Variants in CCDC148 observed in about 807,000 individuals in gnomAD.
CCDC148 encodes the protein coiled-coil domain-containing protein 148.
Under a neutral mutation model 85.7 loss-of-function variants are expected in CCDC148, and 89 were observed. The ratio of observed to expected loss-of-function variants is 1.04; its 90% CI spans 0.87 to 1.24. The LOEUF (loss-of-function observed/expected upper bound fraction) is 1.24. CCDC148 is among the 50% of genes most tolerant of loss of function. The pLI is 0.00. For missense variants in CCDC148, 692 were observed against 671.7 expected (o/e 1.03, Z -0.33); for synonymous variants, 230 against 213.9 (o/e 1.08, Z -0.66).
At chr2:158,202,492 A>T (rs896100346) in intron 11 of CCDC148, among the ~76,000 whole-genome samples, 1 of 152,232 alleles carries the variant, frequency 6.6e-6, no homozygotes, top group African/African-American at 2.4e-5. Context: ...TTTAAGCAGC[A>T]ATACTGATGT....
intron 1 of CCDC148, among the ~76,000 whole-genome samples, chr2:158,399,168 G>A (rs1015535369): frequency 1.3e-5 from 2 of 152,108 alleles, no homozygotes; most frequent in African/African-American, 4.8e-5. Context: ...AGGACCAGAT[G>A]GATTCACAGC....
chr2:158,453,153 G>T (rs1688471287), intron 1 of CCDC148, among the ~76,000 whole-genome samples: 1 of 152,152 alleles, frequency 6.6e-6, no homozygotes, highest in Non-Finnish European at 1.5e-5. Flanking sequence ...GCAGTTTAAG[G>T]CAGTGAGGGA....
intron 11 of CCDC148, among the ~76,000 whole-genome samples, chr2:158,219,072 C>G (rs1017244509): frequency 6.6e-6 from 1 of 152,060 alleles, no homozygotes; most frequent in African/African-American, 2.4e-5. Flanking sequence ...ATGGTTATGC[C>G]TTCCAAAATT....
intron 2 of CCDC148, among the ~76,000 whole-genome samples, chr2:158,349,136 T>A (rs1465574236): frequency 6.6e-6 from 1 of 152,048 alleles, no homozygotes; most frequent in Non-Finnish European, 1.5e-5. Context: ...GTTAATAATA[T>A]CAGTAGTACA....
At chr2:158,442,541 A>G (rs968644166) in intron 1 of CCDC148, among the ~76,000 whole-genome samples, 15 of 152,196 alleles carry the variant, frequency 9.9e-5, no homozygotes, top group African/African-American at 3.6e-4. Context: ...TCACCCACAA[A>G]TTATGCCAGT....
chr2:158,269,664 GGAT>G (rs1472933740), intron 9 of CCDC148, among the ~76,000 whole-genome samples: 3 of 152,122 alleles, frequency 2.0e-5, no homozygotes, highest in Non-Finnish European at 4.4e-5. Context: ...GCTCCTCACA[GGAT>G]ACCTAATTGG....
chr2:158,252,388 T>C (rs1359014789), intron 9 of CCDC148, among the ~76,000 whole-genome samples: 1 of 151,724 alleles, frequency 6.6e-6, no homozygotes, highest in African/African-American at 2.4e-5. Flanking sequence ...ATTCCTAGAA[T>C]AGATCATCCC....
At chr2:158,317,312 C>T (rs1229058830) in intron 7 of CCDC148, among the ~76,000 whole-genome samples, 1 of 152,124 alleles carries the variant, frequency 6.6e-6, no homozygotes. Flanking sequence ...TCATCTTTAT[C>T]GTAGCCTGCC....
At chr2:158,378,392 G>T (rs538271366) in intron 1 of CCDC148, among the ~76,000 whole-genome samples, 1 of 152,130 alleles carries the variant, frequency 6.6e-6, no homozygotes, top group Non-Finnish European at 1.5e-5. Context: ...GTTTAAGGAA[G>T]GTTGCTGTAT....
chr2:158,202,987 G>A (rs55927639), intron 11 of CCDC148, among the ~76,000 whole-genome samples: 3,978 of 152,254 alleles, frequency 0.026, 69 homozygotes, highest in Middle Eastern at 0.041. Context: ...CCATTCAGCA[G>A]AGAGCAGGAG....
intron 1 of CCDC148, among the ~76,000 whole-genome samples, chr2:158,373,046 A>G (rs1375455827): frequency 6.6e-6 from 1 of 152,108 alleles, no homozygotes; most frequent in African/African-American, 2.4e-5. Context: ...AACTGATGTT[A>G]TATAAAAGAG....
At position 158,204,739 on chromosome 2, in the gene CCDC148, C is replaced by T. The variant is rs2105285933; in HGVS notation, c.1370+15856G>A. The stretch of plus-strand genomic sequence containing the variant: ...CAAAATACTTGACTCTGTCCAAATT[C>T]ATCTCAGCAGGCATCATGAAAACAT... On this transcript the variant is annotated intron_variant, in intron 11 of 13. Transcript: ENST00000283233. Among the ~76,000 whole-genome samples the T allele has an allele frequency of 1.3e-5, 2 of 152,238 alleles. 1 individual carries two copies. The highest frequency in any genetic ancestry group is 4.1e-4 in the South Asian group (2 of 4,820).
chr2:158,345,255 G>T lies in CCDC148; in HGVS notation c.211C>A (p.Gln71Lys), dbSNP rs781571700. The part of the protein sequence containing the change: ...KEQTLIKQHK[Q>K]VWWQEYQRLN... ...CTCTGGTATTCCTGCCACCACACTT[G>T]CTTGTGTTGTTTTATTAGTGTTTGT... Residue 71 changes from glutamine to lysine, a missense_variant, in exon 3 of 14, where the codon CAA becomes AAA. Transcript: ENST00000283233. 1 of 1,613,446 alleles carries T rather than the reference G, an allele frequency of 6.2e-7. No homozygotes were observed. Among genetic ancestry groups the T allele is most frequent in the Non-Finnish European group, 8.5e-7 (1 of 1,179,672 alleles).
chr2:158,344,516 C>T (rs974065043), intron 3 of CCDC148, among the ~76,000 whole-genome samples: 2 of 152,066 alleles, frequency 1.3e-5, no homozygotes, highest in African/African-American at 4.8e-5. Context: ...TTTAGAAGCA[C>T]ACTTTATAAA....
intron 9 of CCDC148, among the ~76,000 whole-genome samples, chr2:158,296,189 G>A (rs567513312): frequency 6.6e-6 from 1 of 152,072 alleles, no homozygotes; most frequent in Non-Finnish European, 1.5e-5. Context: ...TCTTCCCCAT[G>A]TTTTGTAGTT....
Position 158,223,763 on chromosome 2 carries a change from A to G in CCDC148, c.1252-3050T>C, listed in dbSNP as rs147737420. ...AACAGACCTGCAGCTGAGGGTGCTG[A>G]CTGTTAGAAGGAAAACTAACAAACA... On this transcript the variant is annotated intron_variant, in intron 10 of 13. Transcript: ENST00000283233. 6.6e-3 allele frequency among the ~76,000 whole-genome samples: 1,005 copies of G among 152,316 alleles called. 17 individuals carry two copies. Among genetic ancestry groups the G allele is most frequent in the African/African-American group, 0.023 (953 of 41,564 alleles).
intron 1 of CCDC148, chr2:158,425,377 T>C (rs998147496): frequency 4.6e-6 from 2 of 438,896 alleles, no homozygotes; most frequent in Non-Finnish European, 8.9e-6. Flanking sequence ...TGAAGACTGG[T>C]CTTTTGTTGA....
intron 9 of CCDC148, among the ~76,000 whole-genome samples, chr2:158,286,594 A>C (rs1036488150): frequency 2.6e-5 from 4 of 152,218 alleles, no homozygotes; most frequent in African/African-American, 4.8e-5. Context: ...TTTCTATAGC[A>C]ACACTCATTA....
intron 2 of CCDC148, among the ~76,000 whole-genome samples, chr2:158,354,336 C>G (rs1191931181): frequency 6.6e-6 from 1 of 151,660 alleles, no homozygotes; most frequent in African/African-American, 2.4e-5. Context: ...GCTAGCAAGA[C>G]TAATAAAGAA....
Sources: gnomAD v4.1 joint callset for allele counts (sites outside exome capture counted in the v4.1 genomes callset) on GRCh38, gnomAD v4.1.1 for gene constraint, MANE v1.5 for transcripts, NCBI Gene and HGNC (gene_info 2026-07-23, HGNC 2026-07-21) for gene names.